Variants in STAT3 observed in about 807,000 individuals in gnomAD.
STAT3 encodes DNA-binding protein APRF.
Under a neutral mutation model 114.3 loss-of-function variants are expected in STAT3, and 7 were observed. That is an observed-to-expected ratio of 0.06 (90% CI 0.03 to 0.11). The LOEUF (loss-of-function observed/expected upper bound fraction) is 0.11, where lower values mean the gene tolerates loss of function less well. STAT3 is among the 10% of genes least tolerant of loss of function. The pLI is 1.00. For synonymous variants in STAT3, 331 were observed against 354.5 expected (o/e 0.93, Z 0.74); for missense variants, 364 against 960.9 (o/e 0.38, Z 8.21).
intron 1 of STAT3, among the ~76,000 whole-genome samples, chr17:42,371,461 G>A (rs1047442261): frequency 3.3e-5 from 5 of 150,032 alleles, no homozygotes; most frequent in East Asian, 2.0e-4. Flanking sequence ...ACCTGAGAAC[G>A]GGGAGTTCAA....
intron 1 of STAT3, among the ~76,000 whole-genome samples, chr17:42,377,602 G>A (rs1037620514): frequency 6.6e-6 from 1 of 152,276 alleles, no homozygotes; most frequent in Non-Finnish European, 1.5e-5. Context: ...CTGGGAAAGA[G>A]TCCCAAGGAT....
chr17:42,328,605 A>T (rs1227915773), intron 14 of STAT3, among the ~76,000 whole-genome samples: 3 of 152,072 alleles, frequency 2.0e-5, no homozygotes, highest in African/African-American at 4.8e-5. Flanking sequence ...ACGGGCTTTC[A>T]CCATGTTGGC....
rs1471914415 is a variant in STAT3, at chr17:42,323,368, T to C, written c.1654-14A>G. 1.2e-6 allele frequency: 2 copies of C among 1,613,714 alleles called. No individual in the cohort carries two copies. Among genetic ancestry groups the C allele is most frequent in the Non-Finnish European group, 1.7e-6 (2 of 1,179,788 alleles). ...AGCCATGTTTTCCTGGAGAAAAGAG[T>C]AATGGGAAAGCCAAGTCTACTGCCA... On this transcript the variant is annotated splice_polypyrimidine_tract_variant and intron_variant, in intron 18 of 23. Transcript: ENST00000264657.
At chr17:42,382,629 G>C (rs1204218177) in intron 1 of STAT3, among the ~76,000 whole-genome samples, 1 of 151,994 alleles carries the variant, frequency 6.6e-6, no homozygotes, top group African/African-American at 2.4e-5. Flanking sequence ...CTGAATTAAA[G>C]AGTTGCGGTA....
chr17:42,360,241 C>A (rs1297101126), intron 1 of STAT3, among the ~76,000 whole-genome samples: 1 of 151,498 alleles, frequency 6.6e-6, no homozygotes, highest in Non-Finnish European at 1.5e-5. Flanking sequence ...CCATCTTGCC[C>A]AGGCTGGTCT....
At chr17:42,376,010 G>A (rs2084432571) in intron 1 of STAT3, among the ~76,000 whole-genome samples, 1 of 151,694 alleles carries the variant, frequency 6.6e-6, no homozygotes, top group Admixed American at 6.6e-5. Flanking sequence ...AATTAGCCAG[G>A]TGTGGCTGCT....
Position 42,337,652 on chromosome 17 carries a change from T to C in STAT3, c.646-66A>G. Reference sequence around the variant, plus strand: ...GACTGTCTCTAACCACATTCTTTAGTCAACTCCAGAGCAGGAACTTCTTAG... The same window carrying C: ...GACTGTCTCTAACCACATTCTTTAGCCAACTCCAGAGCAGGAACTTCTTAG... On this transcript the variant is annotated intron_variant, in intron 7 of 23. Coordinates refer to ENST00000264657, the MANE Select transcript of STAT3 (RefSeq NM_139276.3). This position sits in a 1 kb window ranked among gnomAD's most constrained non-coding sequence, Gnocchi z 4.0. 1 of 1,614,032 alleles carries C rather than the reference T, an allele frequency of 6.2e-7. No individual in the cohort carries two copies. The highest frequency in any genetic ancestry group is 8.5e-7 in the Non-Finnish European group (1 of 1,179,914).
In STAT3 at chr17:42,334,082, A is replaced by T. The variant is rs375124404; in HGVS notation, c.798-33T>A. ...TAAATTAAGAAAGATGCTAATTACC[A>T]AAGTGAATGTATACAGGTGAGATGG... On this transcript the variant is annotated intron_variant, in intron 8 of 23. Transcript: ENST00000264657. The T allele has an allele frequency of 3.7e-6, 6 of 1,613,122 alleles. No individual in the cohort carries two copies. In the South Asian group the frequency reaches 4.4e-5, roughly 12 times the overall value.
rs147202525 is a variant in STAT3, at chr17:42,315,769, C to T, written c.2289G>A (p.Ser763=). 12 of 1,613,956 alleles carry T rather than the reference C, an allele frequency of 7.4e-6. No homozygotes were observed. Among genetic ancestry groups the T allele is most frequent in the African/African-American group, 5.3e-5 (4 of 74,856 alleles). ...ESLTFDMELT[S]ECATSPM ...CTCACATGGGGGAGGTAGCGCACTC[C>T]GAGGTCAACTCCATGTCAAAGGTGA... Residue 763 remains serine (S), a synonymous_variant, in exon 24 of 24, where the codon TCG becomes TCA. Transcript: ENST00000264657.
chr17:42,381,863 C>A (rs1385161948), intron 1 of STAT3, among the ~76,000 whole-genome samples: 2 of 151,892 alleles, frequency 1.3e-5, no homozygotes, highest in African/African-American at 4.8e-5. Context: ...ATTTTATATT[C>A]CTACAAGTCT....
chr17:42,358,391 G>A (rs2145130963), intron 1 of STAT3, among the ~76,000 whole-genome samples: 1 of 152,280 alleles, frequency 6.6e-6, no homozygotes, highest in South Asian at 2.1e-4. Context: ...CTGGGTGACA[G>A]AGCTAGACCC....
At chr17:42,323,536 A>G (rs766359238) in intron 18 of STAT3, 37 bp downstream of exon 18, 5 of 1,611,366 alleles carry the variant, frequency 3.1e-6, no homozygotes, top group Non-Finnish European at 4.2e-6. Flanking sequence ...GCAGGTGAGC[A>G]TTCCCATTCC....
At position 42,323,035 on chromosome 17, in the gene STAT3, G is replaced by T. The variant is rs772174970; in HGVS notation, c.1857C>A (p.Val619=). ...TGTCCTTCTCCACCCAAGTGAAAGT[G>T]ACGCCTCCTTCTTTGCTGCTTTCAC... is the stretch of plus-strand genomic sequence containing the variant. ...RFSESSKEGG[V]TFTWVEKDIS... is the part of the protein sequence containing the mutation. Residue 619 remains valine, a synonymous_variant, in exon 20 of 24, where the codon GTC becomes GTA. Transcript: ENST00000264657. 2 of 1,614,034 alleles carry T rather than the reference G, an allele frequency of 1.2e-6. No homozygotes were observed. The highest frequency in any genetic ancestry group is 3.3e-5 in the Admixed American group (2 of 60,004).
rs1456784927 is a variant in STAT3 at position 42,378,512 on chromosome 17, G to T, written c.-24+9767C>A. ...TCCACATGCCTTGGTCTCCCAAAGT[G>T]CTGGGATTACAGGCGTGAGCCATCG... is the stretch of plus-strand genomic sequence containing the variant. On this transcript the variant is annotated intron_variant, in intron 1 of 23. Transcript: ENST00000264657. 5.9e-5 allele frequency among the ~76,000 whole-genome samples: 9 copies of T among 152,266 alleles called. No individual in the cohort carries two copies. In the East Asian group the frequency reaches 1.7e-3, roughly 29 times the overall value.
intron 20 of STAT3, 108 bp downstream of exon 20, chr17:42,322,896 A>G (rs1278742157): frequency 2.0e-6 from 3 of 1,494,946 alleles, no homozygotes; most frequent in Non-Finnish European, 2.8e-6. Flanking sequence ...TGAAACAGGG[A>G]GTCAAGGCCA....
chr17:42,328,940 ACT>A (rs1173028879), intron 14 of STAT3, among the ~76,000 whole-genome samples: 2 of 152,084 alleles, frequency 1.3e-5, no homozygotes, highest in Admixed American at 6.6e-5. Context: ...TATTTTATGT[ACT>A]CTTTTCCTAA....
chr17:42,330,890 C>T (rs1227159985), intron 11 of STAT3, among the ~76,000 whole-genome samples: 1 of 152,144 alleles, frequency 6.6e-6, no homozygotes, highest in Non-Finnish European at 1.5e-5. Flanking sequence ...TATATAACGA[C>T]GTTTCGGTCA....
Position 42,337,234 on chromosome 17 carries a change from G to C in STAT3, c.797+201C>G, listed in dbSNP as rs1391813423. Among the ~76,000 whole-genome samples the C allele has an allele frequency of 6.6e-6, 1 of 152,112 alleles. No individual in the cohort carries two copies. The highest frequency in any genetic ancestry group is 1.5e-5 in the Non-Finnish European group (1 of 68,024). ...TGACCTCAAGTGATCCGCCCATCTT[G>C]GTCTCCCAAAGTGCTGGGATTACAG... On this transcript the variant is annotated intron_variant, in intron 8 of 23. Transcript: ENST00000264657. This position sits in a 1 kb window ranked among gnomAD's most constrained non-coding sequence, Gnocchi z 4.0.
At chr17:42,384,999 G>A (rs190740537) in intron 1 of STAT3, among the ~76,000 whole-genome samples, 3 of 152,178 alleles carry the variant, frequency 2.0e-5, no homozygotes, top group Admixed American at 6.5e-5. Flanking sequence ...CCAATAGAAC[G>A]TTCTATGATA....
Sources: gnomAD v4.1 joint callset for allele counts (sites outside exome capture counted in the v4.1 genomes callset) on GRCh38, gnomAD v4.1.1 for gene constraint, Gnocchi (gnomAD v3.1) non-coding constraint, MANE v1.5 for transcripts, NCBI Gene and HGNC (gene_info 2026-07-23, HGNC 2026-07-21) for gene names.